ABCC1: variants seen among roughly 807,000 people sequenced by gnomAD.
ABCC1 encodes the protein multidrug resistance-associated protein 1.
ABCC1 carries 83 observed loss-of-function variants against 172.9 expected under a neutral mutation model. That is an observed-to-expected ratio of 0.48 (90% CI 0.40 to 0.58). The LOEUF (loss-of-function observed/expected upper bound fraction) is 0.58, where lower values mean the gene tolerates loss of function less well. ABCC1 is among the 20% of genes least tolerant of loss of function. The pLI is 0.00. For synonymous variants in ABCC1, 937 were observed against 825.2 expected (o/e 1.14, Z -2.32); for missense variants, 1,817 against 2,002.7 (o/e 0.91, Z 1.77).
At position 16,111,462 on chromosome 16, in the gene ABCC1, G is replaced by A. The variant is rs1417361310; in HGVS notation, c.2959G>A (p.Val987Met). The change falls in exon 22 of 31, where the codon GTG becomes ATG. Residue 987 changes from valine to methionine, a missense_variant. Around this residue, in one of 3 missense-constraint regions of ABCC1, gnomAD observed 1,412 missense variants for 1,600.3 expected, o/e 0.88. Coordinates refer to ENST00000399410, the MANE Select transcript of ABCC1 (RefSeq NM_004996.4). ...LSIFLFMCNHVSALASNYWLS... is the reference protein window; with the variant it reads ...LSIFLFMCNHMSALASNYWLS... Reference sequence around the variant, plus strand: ...CATCTTCCTTTTCATGTGTAACCATGTGTCCGCGCTGGCTTCCAACTATTG... The same window carrying A: ...CATCTTCCTTTTCATGTGTAACCATATGTCCGCGCTGGCTTCCAACTATTG... 1.2e-6 allele frequency: 2 copies of A among 1,614,072 alleles called. No individual in the cohort carries two copies. Among genetic ancestry groups the A allele is most frequent in the Non-Finnish European group, 1.7e-6 (2 of 1,180,042 alleles).
At chr16:16,067,754 A>C (rs1274488205) in intron 12 of ABCC1, among the ~76,000 whole-genome samples, 2 of 152,188 alleles carry the variant, frequency 1.3e-5, no homozygotes, top group Non-Finnish European at 2.9e-5. Context: ...AGTGGGAGAG[A>C]CAGCTCCCTT....
At chr16:16,015,399 A>G (rs1347813657) in intron 4 of ABCC1, among the ~76,000 whole-genome samples, 1 of 152,110 alleles carries the variant, frequency 6.6e-6, no homozygotes, top group Non-Finnish European at 1.5e-5. Flanking sequence ...CGGCCTCCCA[A>G]AGTGTTGGGA....
intron 1 of ABCC1, among the ~76,000 whole-genome samples, chr16:16,004,721 C>T (rs758387776): frequency 2.3e-4 from 32 of 140,676 alleles, no homozygotes; most frequent in Non-Finnish European, 3.8e-4. Flanking sequence ...GTGGTGCAGT[C>T]TCAGCTCACT....
chr16:15,953,325 T>C (rs1231708827), intron 1 of ABCC1, among the ~76,000 whole-genome samples: 2 of 151,660 alleles, frequency 1.3e-5, no homozygotes, highest in African/African-American at 2.4e-5. Flanking sequence ...AGAGAGACTG[T>C]CTCAAAAGAA....
chr16:16,136,719 T>C, intron 29 of ABCC1, 75 bp downstream of exon 29: 2 of 1,494,522 alleles, frequency 1.3e-6, no homozygotes, highest in Admixed American at 2.2e-5. Context: ...TTGAAGATTC[T>C]GTCCAGATCT....
At chr16:16,076,484 C>A in intron 15 of ABCC1, 83 bp downstream of exon 15, 3 of 1,339,374 alleles carry the variant, frequency 2.2e-6, no homozygotes, top group African/African-American at 1.5e-5. Flanking sequence ...TCCCACCGTG[C>A]TCCCTCTCTG....
chr16:15,982,255 A>C (rs1476950702), intron 1 of ABCC1, among the ~76,000 whole-genome samples: 3 of 151,890 alleles, frequency 2.0e-5, no homozygotes, highest in Admixed American at 2.0e-4. Flanking sequence ...GTACCAATTT[A>C]CTGTATTAGT....
intron 7 of ABCC1, among the ~76,000 whole-genome samples, chr16:16,037,038 G>A (rs902166171): frequency 9.2e-5 from 14 of 151,914 alleles, no homozygotes; most frequent in African/African-American, 3.4e-4. Context: ...GGAGGCGGAG[G>A]TTGCAGTGAG....
At position 16,014,478 on chromosome 16, in the gene ABCC1, CT is replaced by C. The variant is rs754711096; in HGVS notation, c.352-11del. ...AAAACCCAACAACTCCTGTCTTGTG[CT>C]TCTCTCCTCAGCTGCTTGCTACCTT... is the stretch of plus-strand genomic sequence containing the variant. On this transcript the variant is annotated splice_polypyrimidine_tract_variant and intron_variant, in intron 3 of 30. Transcript: ENST00000399410. 1.2e-6 allele frequency: 2 copies of C among 1,612,680 alleles called. No homozygotes were observed. Among genetic ancestry groups the C allele is most frequent in the Non-Finnish European group, 1.7e-6 (2 of 1,179,428 alleles).
At chr16:16,016,677 C>G (rs1213912373) in intron 5 of ABCC1, 56 bp downstream of exon 5, 7 of 1,603,566 alleles carry the variant, frequency 4.4e-6, no homozygotes, top group Non-Finnish European at 6.0e-6. Flanking sequence ...AGATGCGTGA[C>G]ACAGTACCAG....
At chr16:16,020,386 C>T (rs924914269) in intron 5 of ABCC1, among the ~76,000 whole-genome samples, 6 of 152,156 alleles carry the variant, frequency 3.9e-5, no homozygotes, top group Non-Finnish European at 8.8e-5. Context: ...GTTCAGGAAC[C>T]CCATGGGGTT....
chr16:16,083,634 C>T, intron 17 of ABCC1, 92 bp downstream of exon 17: 2 of 1,503,668 alleles, frequency 1.3e-6, no homozygotes, highest in East Asian at 2.3e-5. Flanking sequence ...GAGTCTGCTG[C>T]TATCAGCTGA....
chr16:15,992,671 G>A (rs8046737), intron 1 of ABCC1, among the ~76,000 whole-genome samples: 16,619 of 152,198 alleles, frequency 0.11, 983 homozygotes, highest in Middle Eastern at 0.15. Context: ...AAAGTGCTGG[G>A]ATTACAGGCG....
At chr16:16,015,533 T>C (rs1002573034) in intron 4 of ABCC1, among the ~76,000 whole-genome samples, 4 of 152,212 alleles carry the variant, frequency 2.6e-5, no homozygotes, top group Non-Finnish European at 5.9e-5. Flanking sequence ...AGCTGAACAT[T>C]TGACTATTGA....
At chr16:16,071,206 T>G (rs2050334367) in intron 13 of ABCC1, among the ~76,000 whole-genome samples, 1 of 151,970 alleles carries the variant, frequency 6.6e-6, no homozygotes, top group Non-Finnish European at 1.5e-5. Flanking sequence ...TGCCTCAGCC[T>G]CCCGAGTAGC....
chr16:16,049,212 G>C (rs2049332368), intron 10 of ABCC1, among the ~76,000 whole-genome samples: 1 of 152,060 alleles, frequency 6.6e-6, no homozygotes, highest in Non-Finnish European at 1.5e-5. Context: ...ATAGATAAAG[G>C]TGCCAGAGAA....
At chr16:16,125,771 G>A (rs375564756) in intron 25 of ABCC1, 39 bp from the exon 26 acceptor site, 2 of 1,403,974 alleles carry the variant, frequency 1.4e-6, no homozygotes, top group Non-Finnish European at 2.0e-6. Context: ...AAGTACGCCC[G>A]CTTACTCTAG....
intron 6 of ABCC1, among the ~76,000 whole-genome samples, chr16:16,034,837 G>A (rs1193974580): frequency 2.0e-5 from 3 of 151,672 alleles, no homozygotes; most frequent in Admixed American, 6.6e-5. Flanking sequence ...ATCCACCCAC[G>A]TCAGCCTCCC....
chr16:15,955,114 G>A (rs961083096), intron 1 of ABCC1, among the ~76,000 whole-genome samples: 2 of 152,110 alleles, frequency 1.3e-5, no homozygotes, highest in Non-Finnish European at 2.9e-5. Context: ...CTGGCACTTC[G>A]GGAGGCCAAG....
Sources: allele counts gnomAD v4.1 joint callset (sites outside exome capture counted in the v4.1 genomes callset), GRCh38; gene constraint gnomAD v4.1.1; regional missense constraint gnomAD v4.1.1; transcripts MANE v1.5; gene names NCBI Gene and HGNC (gene_info 2026-07-23, HGNC 2026-07-21).